NTN1: variants seen among roughly 807,000 people sequenced by gnomAD.
The protein encoded by NTN1 is netrin 1, also known as netrin-1.
NTN1 carries 11 observed loss-of-function variants against 54.2 expected under a neutral mutation model. The observed-to-expected ratio is 0.20, with a 90% CI of 0.13 to 0.34. The LOEUF (loss-of-function observed/expected upper bound fraction) is 0.34, where lower values mean the gene tolerates loss of function less well. Ranked by LOEUF, NTN1 falls within the 10% of genes least tolerant of loss-of-function variation. NTN1 has a pLI of 1.00. For synonymous variants in NTN1, 371 were observed against 382.0 expected, an observed-to-expected ratio of 0.97 and a Z score of 0.33; for missense variants, 740 against 893.1, an observed-to-expected ratio of 0.83 and a Z score of 2.18.
intron 5 of NTN1, among the ~76,000 whole-genome samples, chr17:9,200,934 G>T (rs1011966671): frequency 1.3e-5 from 2 of 152,168 alleles, no homozygotes; most frequent in Non-Finnish European, 2.9e-5. Flanking sequence ...CTAAGAGACT[G>T]CTAAGTCTTC....
At chr17:9,070,561 A>G (rs952324707) in intron 2 of NTN1, among the ~76,000 whole-genome samples, 3 of 151,690 alleles carry the variant, frequency 2.0e-5, no homozygotes, top group Admixed American at 1.3e-4. Context: ...TGCTGTTGCC[A>G]CTCATCTAAG....
chr17:9,053,073 C>A (rs770035017), intron 2 of NTN1, among the ~76,000 whole-genome samples: 1 of 152,324 alleles, frequency 6.6e-6, no homozygotes, highest in East Asian at 1.9e-4. Flanking sequence ...AACTGTAGCC[C>A]GTGGGCCAAA....
chr17:9,069,409 A>G (rs541667668), intron 2 of NTN1, among the ~76,000 whole-genome samples: 209 of 152,344 alleles, frequency 1.4e-3, no homozygotes, highest in African/African-American at 4.1e-3. Context: ...TTCAAAGCAG[A>G]AGAATGAACA....
At chr17:9,056,041 G>A (rs928317434) in intron 2 of NTN1, among the ~76,000 whole-genome samples, 1 of 151,242 alleles carries the variant, frequency 6.6e-6, no homozygotes, top group Non-Finnish European at 1.5e-5. Context: ...GGGACTACAG[G>A]TGCACACCAT....
intron 2 of NTN1, among the ~76,000 whole-genome samples, chr17:9,081,046 C>T (rs1399345475): frequency 6.6e-6 from 1 of 152,186 alleles, no homozygotes; most frequent in East Asian, 1.9e-4. Context: ...GCTGGTTGGT[C>T]AGAAGCACAA....
At chr17:9,003,800 C>T in the NTN1 span, among the ~76,000 whole-genome samples, 1 of 152,154 alleles carries the variant, frequency 6.6e-6, no homozygotes, top group Non-Finnish European at 1.5e-5. This position sits in a 1 kb window ranked among gnomAD's most constrained non-coding sequence, Gnocchi z 7.4. Context: ...CTAATCTGAA[C>T]AGAGGTGGGA....
chr17:9,134,679 G>T (rs2092275696), intron 2 of NTN1, among the ~76,000 whole-genome samples: 1 of 152,186 alleles, frequency 6.6e-6, no homozygotes. Context: ...GGTTCCAAAT[G>T]TTCAGGGCCC....
rs117082994 is a variant in NTN1 at position 9,167,360 on chromosome 17, C to T, written c.1207+4359C>T. The stretch of plus-strand genomic sequence containing the variant: ...AGACGACGTTGCTATTTAACCATTT[C>T]GGCCCTGCCCCCATTGATAACAATA... On this transcript the variant is annotated intron_variant, in intron 3 of 6. Transcript: ENST00000173229. 4.5e-4 allele frequency among the ~76,000 whole-genome samples: 68 copies of T among 152,314 alleles called. No homozygotes were observed. The East Asian group carries it at 9.1e-3, about 20-fold the overall frequency.
At chr17:9,112,608 G>A (rs1042881167) in intron 2 of NTN1, among the ~76,000 whole-genome samples, 2 of 146,810 alleles carry the variant, frequency 1.4e-5, no homozygotes, top group Non-Finnish European at 3.0e-5. Context: ...GGCGGATCAC[G>A]AGGTCAGGAG....
At chr17:9,042,093 A>G (rs527498306) in intron 2 of NTN1, among the ~76,000 whole-genome samples, 5 of 152,078 alleles carry the variant, frequency 3.3e-5, no homozygotes, top group Admixed American at 6.5e-5. Context: ...TACTGTTCCT[A>G]GGACCCTAGA....
the NTN1 span, among the ~76,000 whole-genome samples, chr17:9,012,738 T>C: frequency 5.0e-4 from 76 of 152,182 alleles, no homozygotes; most frequent in African/African-American, 1.6e-3. Context: ...TCCTGTTCCC[T>C]CCCCTGCTTT....
chr17:9,177,127 A>G (rs2142313291), intron 3 of NTN1: 1 of 152,514 alleles, frequency 6.6e-6, no homozygotes, highest in Non-Finnish European at 1.5e-5. Flanking sequence ...GGAATAGGTC[A>G]GATTCTTGCA....
chr17:9,025,602 T>G (rs188170781), intron 2 of NTN1, among the ~76,000 whole-genome samples: 68 of 152,368 alleles, frequency 4.5e-4, no homozygotes, highest in Admixed American at 4.4e-3. Flanking sequence ...TTAAAGTTAT[T>G]TATAGTTTCC....
At chr17:9,215,814 T>C (rs1905206178) in intron 5 of NTN1, among the ~76,000 whole-genome samples, 2 of 152,210 alleles carry the variant, frequency 1.3e-5, no homozygotes, top group Admixed American at 6.5e-5. Context: ...CTTTTGTTGA[T>C]TTTTGGAAAA....
chr17:9,134,376 G>A (rs2092274874), intron 2 of NTN1, among the ~76,000 whole-genome samples: 2 of 152,066 alleles, frequency 1.3e-5, no homozygotes, highest in Non-Finnish European at 1.5e-5. Flanking sequence ...TCTCCCCCCA[G>A]AGCACTCCCT....
At chr17:9,048,247 A>G (rs1436061047) in intron 2 of NTN1, among the ~76,000 whole-genome samples, 1 of 152,120 alleles carries the variant, frequency 6.6e-6, no homozygotes, top group African/African-American at 2.4e-5. Context: ...ATCTCCTTGG[A>G]CGTCTCCATC....
chr17:9,154,427 A>G (rs1382436204), intron 2 of NTN1, among the ~76,000 whole-genome samples: 1 of 152,190 alleles, frequency 6.6e-6, no homozygotes, highest in Non-Finnish European at 1.5e-5. Context: ...TTATAAATGT[A>G]TGTATATGTA....
chr17:9,229,074 TTGTGACTGTGTGTGTGACTGAGAC>T (rs66503970), intron 6 of NTN1, among the ~76,000 whole-genome samples: 2 of 6,916 alleles, frequency 2.9e-4, no homozygotes, highest in African/African-American at 2.1e-3. Flanking sequence ...GTGATTGTGT[TTGTGACTGTGTGTGTGACTGAGAC>T]TGTGACTGTG....
chr17:9,201,782 A>G (rs1597534949), intron 5 of NTN1, among the ~76,000 whole-genome samples: 1 of 152,052 alleles, frequency 6.6e-6, no homozygotes, highest in Non-Finnish European at 1.5e-5. Flanking sequence ...GATGACAGGG[A>G]GTCAGGGAAA....
Sources: allele counts gnomAD v4.1 joint callset (sites outside exome capture counted in the v4.1 genomes callset), GRCh38; gene constraint gnomAD v4.1.1; non-coding constraint Gnocchi (gnomAD v3.1); transcripts MANE v1.5; gene names NCBI Gene and HGNC (gene_info 2026-07-23, HGNC 2026-07-21).